The following TENM3 variants were observed in gnomAD, a reference collection of about 807,000 sequenced individuals.
TENM3 encodes teneurin transmembrane protein 3.
In TENM3, 63 loss-of-function variants were observed where a neutral mutation model predicts 255.1. That is an observed-to-expected ratio of 0.25 (90% CI 0.20 to 0.30). The LOEUF (loss-of-function observed/expected upper bound fraction) is 0.30. TENM3 is among the 10% of genes least tolerant of loss of function. The pLI, the probability that TENM3 is intolerant of heterozygous loss-of-function variation, is 1.00. For missense variants in TENM3, 2,929 were observed against 3,461.1 expected, an observed-to-expected ratio of 0.85 and a Z score of 3.86; for synonymous variants, 1,306 against 1,322.3, an observed-to-expected ratio of 0.99 and a Z score of 0.27.
chr4:182,042,845 A>G, the TENM3 span, among the ~76,000 whole-genome samples: 1 of 150,996 alleles, frequency 6.6e-6, no homozygotes, highest in African/African-American at 2.4e-5. Context: ...CTGTATCTGA[A>G]TTAATTTTCG....
intron 3 of TENM3, among the ~76,000 whole-genome samples, chr4:182,550,041 G>A (rs573632715): frequency 1.3e-5 from 2 of 152,202 alleles, no homozygotes; most frequent in South Asian, 4.1e-4. Flanking sequence ...AATAATTGAA[G>A]GTCTAATAAA....
chr4:181,580,167 T>C, the TENM3 span, among the ~76,000 whole-genome samples: 1 of 151,806 alleles, frequency 6.6e-6, no homozygotes. Flanking sequence ...CTGGCTAATT[T>C]TTGTATTTTT....
At chr4:182,180,333 T>C (rs1399554516) in intron 1 of TENM3, among the ~76,000 whole-genome samples, 1 of 152,222 alleles carries the variant, frequency 6.6e-6, no homozygotes, top group African/African-American at 2.4e-5. Context: ...TCTGCATTAC[T>C]TGCCTCTGTG....
intron 3 of TENM3, among the ~76,000 whole-genome samples, chr4:182,356,103 A>C (rs1006217701): frequency 6.6e-6 from 1 of 151,968 alleles, no homozygotes; most frequent in African/African-American, 2.4e-5. Flanking sequence ...ATGAAGCACC[A>C]ATAAAAGAAA....
chr4:181,841,031 G>C, the TENM3 span, among the ~76,000 whole-genome samples: 27 of 152,108 alleles, frequency 1.8e-4, no homozygotes, highest in Middle Eastern at 0.014. Context: ...TAGGTTAATA[G>C]GCATTTTAGT....
chr4:181,641,103 C>A, the TENM3 span, among the ~76,000 whole-genome samples: 3 of 152,060 alleles, frequency 2.0e-5, no homozygotes, highest in African/African-American at 7.2e-5. Context: ...CCTCTTTCTT[C>A]AATACATATA....
the TENM3 span, among the ~76,000 whole-genome samples, chr4:182,118,394 A>G: frequency 6.6e-6 from 1 of 152,278 alleles, no homozygotes; most frequent in Non-Finnish European, 1.5e-5. Context: ...GTTTCTCACT[A>G]TGAAGTATAA....
At chr4:182,429,010 G>A (rs1561436761) in intron 3 of TENM3, among the ~76,000 whole-genome samples, 1 of 152,092 alleles carries the variant, frequency 6.6e-6, no homozygotes, top group East Asian at 1.9e-4. Flanking sequence ...AAATATCTTT[G>A]TTTGTCTATT....
At chr4:182,758,319 AG>A (rs1762877945) in intron 22 of TENM3, among the ~76,000 whole-genome samples, 1 of 152,174 alleles carries the variant, frequency 6.6e-6, no homozygotes, top group African/African-American at 2.4e-5. Flanking sequence ...CACATTCAAA[AG>A]GAAATGCACA....
At chr4:181,788,854 T>C in the TENM3 span, among the ~76,000 whole-genome samples, 2 of 152,308 alleles carry the variant, frequency 1.3e-5, no homozygotes, top group East Asian at 3.9e-4. Context: ...CGTCTCAGCT[T>C]TCCAAAGTGT....
At chr4:182,263,081 T>A (rs761392216) in intron 1 of TENM3, among the ~76,000 whole-genome samples, 4 of 152,134 alleles carry the variant, frequency 2.6e-5, no homozygotes, top group Non-Finnish European at 5.9e-5. Context: ...ATGGGGACCC[T>A]TTCCTGTATC....
intron 1 of TENM3, among the ~76,000 whole-genome samples, chr4:182,259,724 A>G (rs115296970): frequency 0.018 from 2,774 of 152,216 alleles, 51 homozygotes; most frequent in South Asian, 0.028. Flanking sequence ...TATAACTGGG[A>G]TATCCATCAC....
the TENM3 span, among the ~76,000 whole-genome samples, chr4:181,759,724 ATGTGTGTGTGTGTGTGTGTG>A: frequency 2.7e-5 from 4 of 146,514 alleles, no homozygotes; most frequent in Non-Finnish European, 6.0e-5. Flanking sequence ...CAATCAACAG[ATGTGTGTGTGTGTGTGTGTG>A]TGTGTGTGTG....
the TENM3 span, among the ~76,000 whole-genome samples, chr4:181,837,308 T>C: frequency 8.5e-5 from 13 of 152,238 alleles, no homozygotes; most frequent in Admixed American, 8.5e-4. Flanking sequence ...CAGAATATTT[T>C]AAATGTTTTA....
At chr4:182,194,346 A>C (rs889282090) in intron 1 of TENM3, among the ~76,000 whole-genome samples, 2 of 152,176 alleles carry the variant, frequency 1.3e-5, no homozygotes, top group Admixed American at 1.3e-4. Flanking sequence ...ATGTGTACTG[A>C]TGCACGCGTG....
chr4:181,769,002 G>A, the TENM3 span, among the ~76,000 whole-genome samples: 180 of 151,972 alleles, frequency 1.2e-3, 1 homozygote, highest in East Asian at 9.9e-3. Flanking sequence ...CTTAGTTCTC[G>A]TTTTCAAGAG....
At chr4:181,928,401 T>C in the TENM3 span, among the ~76,000 whole-genome samples, 1 of 150,652 alleles carries the variant, frequency 6.6e-6, no homozygotes. Flanking sequence ...TATCAATACC[T>C]GAATCAATCA....
At chr4:182,041,542 A>G in the TENM3 span, among the ~76,000 whole-genome samples, 6 of 152,368 alleles carry the variant, frequency 3.9e-5, no homozygotes, top group Middle Eastern at 3.4e-3. Context: ...TAATAAATCA[A>G]TACTAATCCC....
At chr4:181,578,234 C>G in the TENM3 span, among the ~76,000 whole-genome samples, 1 of 151,394 alleles carries the variant, frequency 6.6e-6, no homozygotes, top group Non-Finnish European at 1.5e-5. Context: ...CTTTCCTTTT[C>G]TTTGTTTGTT....
Sources: allele counts gnomAD v4.1 joint callset (sites outside exome capture counted in the v4.1 genomes callset), GRCh38; gene constraint gnomAD v4.1.1; transcripts MANE v1.5; gene names NCBI Gene and HGNC (gene_info 2026-07-23, HGNC 2026-07-21).